The following PCDHB7 variants were observed in gnomAD, a reference collection of about 807,000 sequenced individuals.
PCDHB7 encodes protocadherin beta-7.
For missense variants in PCDHB7, 1,148 were observed against 1,011.6 expected (o/e 1.13, Z -1.83); for synonymous variants, 542 against 463.1 (o/e 1.17, Z -2.19).
chr5:141,175,854 A>C lies in PCDHB7; in HGVS notation c.*637A>C, dbSNP rs565665141. Reference sequence around the variant, plus strand: ...CACCTGGCAAGTTTCTGCCTAATTAAGGAGAAGTCTTTTATCATATTTATA... The same window carrying C: ...CACCTGGCAAGTTTCTGCCTAATTACGGAGAAGTCTTTTATCATATTTATA... On this transcript the variant is annotated 3_prime_UTR_variant, in exon 1 of 1. Transcript: ENST00000231137. 1 of 167,454 alleles carries C rather than the reference A, an allele frequency of 6.0e-6. No individual in the cohort carries two copies. Among genetic ancestry groups the C allele is most frequent in the African/African-American group, 2.4e-5 (1 of 41,472 alleles). 10.4% of individuals were successfully genotyped at this position (167,454 alleles called of 1,614,324 possible).
Position 141,173,812 on chromosome 5 carries a change from G to A in PCDHB7, c.977G>A (p.Gly326Glu). 6.2e-7 allele frequency: 1 copy of A among 1,614,182 alleles called. No homozygotes were observed. The highest frequency in any genetic ancestry group is 1.1e-5 in the South Asian group (1 of 91,086). ...ACTATTCAGGCCAAAGACGGCGGCG[G>A]GCTTTCTGGAAAATGCACTGTAGTG... ...TLTIQAKDGG[G>E]LSGKCTVVVD... Residue 326 changes from glycine (G) to glutamate (E), a missense_variant, in exon 1 of 1, where the codon GGG becomes GAG. Physicochemically the swap from Gly to Glu is moderately conservative, Grantham distance 98 (BLOSUM62 -2). Transcript: ENST00000231137.
rs368220226 is a variant in PCDHB7 at position 141,173,984 on chromosome 5, C to A, written c.1149C>A (p.Cys383Ter). 1.2e-6 allele frequency: 2 copies of A among 1,614,020 alleles called. No individual in the cohort carries two copies. Among genetic ancestry groups the A allele is most frequent in the Non-Finnish European group, 1.7e-6 (2 of 1,180,040 alleles). ...CCGGGAACAATGGAAAGACAGTGTG[C>A]TCCATCCAGGACGATGTCCCCTTCA... Reference protein sequence around the residue: ...RDSGNNGKTVCSIQDDVPFIL... With the variant: ...RDSGNNGKTV The change falls in exon 1 of 1, where the codon TGC becomes TGA. Residue 383 changes from cysteine (C) to a stop codon, truncating the protein, a stop_gained. Coordinates refer to ENST00000231137, the MANE Select transcript of PCDHB7 (RefSeq NM_018940.4). LOFTEE classifies it low-confidence loss of function (END_TRUNC).
rs782088586 is a variant in PCDHB7 at position 141,173,238 on chromosome 5, G to T, written c.403G>T (p.Asp135Tyr). 6.2e-7 allele frequency: 1 copy of T among 1,614,142 alleles called. No homozygotes were observed. Among genetic ancestry groups the T allele is most frequent in the South Asian group, 1.1e-5 (1 of 91,078 alleles). Residue 135 changes from aspartate to tyrosine, a missense_variant, in exon 1 of 1, where the codon GAC (aspartate) becomes TAC (tyrosine). Asp to Tyr is a radical substitution (Grantham distance 160). Transcript: ENST00000231137. ...DINDHAPVFLDREISLKILES... is the reference protein window; with the variant it reads ...DINDHAPVFLYREISLKILES... ...CAATGATCACGCTCCAGTATTTCTA[G>T]ACAGAGAGATTTCCTTGAAAATATT...
At position 141,172,845 on chromosome 5, in the gene PCDHB7, A is replaced by T; in HGVS notation, c.10A>T (p.Arg4Ter). The stretch of plus-strand genomic sequence containing the variant: ...ACTGATCCAAAGAAGAATGGAGGCC[A>T]GAGTGGAGCGTGCTGTGCAGAAAAG... The part of the protein sequence containing the change: MEA[R>*]VERAVQKRQV... The change falls in exon 1 of 1, where the codon AGA becomes TGA. Residue 4 changes from arginine (R) to a stop codon, truncating the protein, a stop_gained. Transcript: ENST00000231137. LOFTEE classifies it low-confidence loss of function (END_TRUNC). 1 of 1,611,344 alleles carries T rather than the reference A, an allele frequency of 6.2e-7. No individual in the cohort carries two copies. Among genetic ancestry groups the T allele is most frequent in the East Asian group, 2.2e-5 (1 of 44,834 alleles).
At position 141,175,217 on chromosome 5, in the gene PCDHB7, A is replaced by C. The variant is rs782697359; in HGVS notation, c.2382A>C (p.Ter794CysextTer1). ...NRPFQNNLGF* is the reference protein window; with the variant it reads ...NRPFQNNLGFC ...CATTTCAGAATAATTTGGGTTTCTG[A>C]TAAAGAATGTAAACTAAATCCGCGT... The change falls in exon 1 of 1, where the codon TGA becomes TGC. Residue 794 changes from the stop codon to cysteine, a stop_lost. Coordinates refer to ENST00000231137, the MANE Select transcript of PCDHB7 (RefSeq NM_018940.4). 2.1e-5 allele frequency: 34 copies of C among 1,597,902 alleles called. No homozygotes were observed. The East Asian group carries it at 7.2e-4, about 34-fold the overall frequency.
chr5:141,174,836 C>G lies in PCDHB7; in HGVS notation c.2001C>G (p.Ser667=). The G allele has an allele frequency of 1.2e-6, 2 of 1,612,518 alleles. No homozygotes were observed. Among genetic ancestry groups the G allele is most frequent in the South Asian group, 2.2e-5 (2 of 91,018 alleles). ...TLHVLLVDGF[S]QPYLRLPEAA... ...ACGTGCTCCTGGTGGACGGCTTCTC[C>G]CAGCCCTACCTGCGGCTCCCGGAGG... Residue 667 remains serine (S), a synonymous_variant, in exon 1 of 1, where the codon TCC becomes TCG. Transcript: ENST00000231137.
At position 141,173,171 on chromosome 5, in the gene PCDHB7, A is replaced by G. The variant is rs1467379383; in HGVS notation, c.336A>G (p.Lys112=). 1.2e-6 allele frequency: 2 copies of G among 1,613,638 alleles called. No homozygotes were observed. The highest frequency in any genetic ancestry group is 1.7e-6 in the Non-Finnish European group (2 of 1,179,784). The change falls in exon 1 of 1, where the codon AAA becomes AAG. Residue 112 remains lysine (K), a synonymous_variant. Coordinates refer to ENST00000231137, the MANE Select transcript of PCDHB7 (RefSeq NM_018940.4). ...CVLPFQLLLE[K]PFQIFRAELW... ...TGCCTTTCCAGTTGTTATTGGAAAAACCTTTTCAGATTTTCCGTGCTGAAC... is the reference window on the plus strand; with the variant it reads ...TGCCTTTCCAGTTGTTATTGGAAAAGCCTTTTCAGATTTTCCGTGCTGAAC...
At position 141,175,461 on chromosome 5, in the gene PCDHB7, G is replaced by A; in HGVS notation, c.*244G>A. ...TTAATATACAGTCTATTAAATGTAA[G>A]TCTTGTTTGAGATATTTTAAATTGC... On this transcript the variant is annotated 3_prime_UTR_variant, in exon 1 of 1. Transcript: ENST00000231137. The A allele has an allele frequency of 3.7e-6, 2 of 534,044 alleles. No individual in the cohort carries two copies. The highest frequency in any genetic ancestry group is 6.6e-5 in the South Asian group (2 of 30,168). 33.1% of individuals were successfully genotyped at this position (534,044 alleles called of 1,614,324 possible). A position where few individuals can be genotyped will look rare whatever the true frequency, so the allele number is the denominator to read the frequency against.
rs782756167 is a variant in PCDHB7, at chr5:141,172,963, C to T, written c.128C>T (p.Thr43Ile). The T allele has an allele frequency of 1.9e-6, 3 of 1,614,188 alleles. No individual in the cohort carries two copies. In the South Asian group the frequency reaches 3.3e-5, roughly 18 times the overall value. ...YFVAEETERG[T>I]FLTNLAKDLG... ...GTGGCGGAGGAAACCGAGAGAGGCA[C>T]CTTTCTTACCAACTTGGCAAAAGAC... Residue 43 changes from threonine to isoleucine, a missense_variant, in exon 1 of 1, where the codon ACC (threonine) becomes ATC (isoleucine). Thr to Ile is a moderately conservative substitution (Grantham distance 89). Coordinates refer to ENST00000231137, the MANE Select transcript of PCDHB7 (RefSeq NM_018940.4).
Position 141,174,191 on chromosome 5 carries a change from C to G in PCDHB7, c.1356C>G (p.Thr452=), listed in dbSNP as rs782391157. The G allele has an allele frequency of 6.2e-6, 10 of 1,613,560 alleles. No individual in the cohort carries two copies. Among genetic ancestry groups the G allele is most frequent in the Admixed American group, 3.3e-5 (2 of 60,030 alleles). ...TCAATGACAACGCTCCCGCCTTCAC[C>G]CAAACCTCCTACACCCTGTTTGTCC... is the stretch of plus-strand genomic sequence containing the variant. The part of the protein sequence containing the change: ...SDVNDNAPAF[T]QTSYTLFVRE... Residue 452 remains threonine, a synonymous_variant, in exon 1 of 1, where the codon ACC becomes ACG. Transcript: ENST00000231137.
Position 141,173,979 on chromosome 5 carries a change from G to C in PCDHB7, c.1144G>C (p.Val382Leu), listed in dbSNP as rs200679655. ...AGATTCCGGGAACAATGGAAAGACA[G>C]TGTGCTCCATCCAGGACGATGTCCC... The part of the protein sequence containing the change: ...DRDSGNNGKT[V>L]CSIQDDVPFI... Residue 382 changes from valine to leucine, a missense_variant, in exon 1 of 1, where the codon GTG (valine) becomes CTG (leucine). Transcript: ENST00000231137. 3 of 1,614,110 alleles carry C rather than the reference G, an allele frequency of 1.9e-6. No individual in the cohort carries two copies. In the East Asian group the frequency reaches 6.7e-5, roughly 36 times the overall value.
chr5:141,174,272 C>T lies in PCDHB7; in HGVS notation c.1437C>T (p.Asp479=). 6.2e-7 allele frequency: 1 copy of T among 1,612,658 alleles called. No individual in the cohort carries two copies. The highest frequency in any genetic ancestry group is 2.2e-5 in the East Asian group (1 of 44,872). The stretch of plus-strand genomic sequence containing the variant: ...GCAGTGTCAGCGCCACAGACAGAGA[C>T]TCGGGCACCAACGCCCAGGTCATCT... ...PIGSVSATDR[D]SGTNAQVIYS... The change falls in exon 1 of 1, where the codon GAC becomes GAT. Residue 479 remains aspartate, a synonymous_variant. Coordinates refer to ENST00000231137, the MANE Select transcript of PCDHB7 (RefSeq NM_018940.4).
chr5:141,173,871 G>C lies in PCDHB7; in HGVS notation c.1036G>C (p.Glu346Gln). ...AACAGATATAAACGATAATCGACCC[G>C]AGCTGCTCCTGTCTTCACTTACTAG... ...DVTDINDNRP[E>Q]LLLSSLTSPI... is the part of the protein sequence containing the mutation. Residue 346 changes from glutamate (E) to glutamine (Q), a missense_variant, in exon 1 of 1, where the codon GAG becomes CAG. By Grantham distance (29) the Glu-to-Gln change is conservative. Transcript: ENST00000231137. The C allele has an allele frequency of 6.2e-7, 1 of 1,613,758 alleles. No individual in the cohort carries two copies. The highest frequency in any genetic ancestry group is 8.5e-7 in the Non-Finnish European group (1 of 1,179,800).
Position 141,172,884 on chromosome 5 carries a change from C to G in PCDHB7, c.49C>G (p.Leu17Val). The change falls in exon 1 of 1, where the codon CTT becomes GTT. Residue 17 changes from leucine to valine, a missense_variant. Physicochemically the swap from Leu to Val is conservative, Grantham distance 32. Transcript: ENST00000231137. ...RAVQKRQVLFLCVFLGMSWAG... is the reference protein window; with the variant it reads ...RAVQKRQVLFVCVFLGMSWAG... ...TGTGCAGAAAAGGCAAGTCTTATTT[C>G]TTTGTGTATTTCTGGGAATGTCTTG... is the stretch of plus-strand genomic sequence containing the variant. The G allele has an allele frequency of 6.2e-7, 1 of 1,614,156 alleles. No individual in the cohort carries two copies. Among genetic ancestry groups the G allele is most frequent in the Non-Finnish European group, 8.5e-7 (1 of 1,180,008 alleles).
Position 141,172,972 on chromosome 5 carries a change from C to A in PCDHB7, c.137C>A (p.Thr46Asn). 1.2e-6 allele frequency: 2 copies of A among 1,614,118 alleles called. No homozygotes were observed. Among genetic ancestry groups the A allele is most frequent in the Non-Finnish European group, 1.7e-6 (2 of 1,180,020 alleles). The change falls in exon 1 of 1, where the codon ACC becomes AAC. Residue 46 changes from threonine to asparagine, a missense_variant. Physicochemically the swap from Thr to Asn is moderately conservative, Grantham distance 65. Transcript: ENST00000231137. The stretch of plus-strand genomic sequence containing the variant: ...GAAACCGAGAGAGGCACCTTTCTTA[C>A]CAACTTGGCAAAAGACCTAGGGTTA... ...AEETERGTFL[T>N]NLAKDLGLGV...
At position 141,174,310 on chromosome 5, in the gene PCDHB7, C is replaced by T. The variant is rs374570987; in HGVS notation, c.1475C>T (p.Pro492Leu). The change falls in exon 1 of 1, where the codon CCG (proline) becomes CTG (leucine). Residue 492 changes from proline to leucine, a missense_variant. Coordinates refer to ENST00000231137, the MANE Select transcript of PCDHB7 (RefSeq NM_018940.4). ...GCCCAGGTCATCTACTCCCTGCTGCCGTCCCAGGACCCGCACCTGCCCCTC... is the reference window on the plus strand; with the variant it reads ...GCCCAGGTCATCTACTCCCTGCTGCTGTCCCAGGACCCGCACCTGCCCCTC... ...TNAQVIYSLLPSQDPHLPLAS... is the reference protein window; with the variant it reads ...TNAQVIYSLLLSQDPHLPLAS... 22 of 1,612,394 alleles carry T rather than the reference C, an allele frequency of 1.4e-5. 1 individual carries two copies. Among genetic ancestry groups the T allele is most frequent in the African/African-American group, 4.0e-5 (3 of 74,892 alleles).
chr5:141,173,530 T>A lies in PCDHB7; in HGVS notation c.695T>A (p.Val232Asp), dbSNP rs1331066135. 4 of 1,613,660 alleles carry A rather than the reference T, an allele frequency of 2.5e-6. No homozygotes were observed. Among genetic ancestry groups the A allele is most frequent in the Non-Finnish European group, 3.4e-6 (4 of 1,179,774 alleles). ...RSGTALVRIL[V>D]LDVNDNAPDF... ...GGGACCGCCCTCGTGCGCATTCTGG[T>A]TCTAGACGTAAATGACAACGCCCCT... Residue 232 changes from valine to aspartate, a missense_variant, in exon 1 of 1, where the codon GTT (valine) becomes GAT (aspartate). Coordinates refer to ENST00000231137, the MANE Select transcript of PCDHB7 (RefSeq NM_018940.4).
chr5:141,174,909 T>G lies in PCDHB7; in HGVS notation c.2074T>G (p.Leu692Val). 6.2e-7 allele frequency: 1 copy of G among 1,610,818 alleles called. No individual in the cohort carries two copies. The highest frequency in any genetic ancestry group is 8.5e-7 in the Non-Finnish European group (1 of 1,178,586). ...NSLTVYLVVA[L>V]ASVSSLFLLS... is the part of the protein sequence containing the mutation. The stretch of plus-strand genomic sequence containing the variant: ...GCTCACCGTCTACCTGGTGGTGGCG[T>G]TGGCCTCGGTGTCTTCGCTCTTCCT... Residue 692 changes from leucine (L) to valine (V), a missense_variant, in exon 1 of 1, where the codon TTG (leucine) becomes GTG (valine). Coordinates refer to ENST00000231137, the MANE Select transcript of PCDHB7 (RefSeq NM_018940.4).
chr5:141,172,892 AT>A lies in PCDHB7; in HGVS notation c.60del (p.Leu21TrpfsTer32). On this transcript the variant is annotated frameshift_variant, in exon 1 of 1. Coordinates refer to ENST00000231137, the MANE Select transcript of PCDHB7 (RefSeq NM_018940.4). LOFTEE classifies it low-confidence loss of function (END_TRUNC). ...QKRQVLFLCV[F>X]LGMSWAGAEP... ...AAAGGCAAGTCTTATTTCTTTGTGT[AT>A]TTCTGGGAATGTCTTGGGCTGGCGC... The A allele has an allele frequency of 6.2e-7, 1 of 1,614,146 alleles. No individual in the cohort carries two copies. Among genetic ancestry groups the A allele is most frequent in the Non-Finnish European group, 8.5e-7 (1 of 1,180,012 alleles).
Sources: gnomAD v4.1 joint callset for allele counts on GRCh38, gnomAD v4.1.1 for gene constraint, MANE v1.5 for transcripts, NCBI Gene and HGNC (gene_info 2026-07-23, HGNC 2026-07-21) for gene names.